ANKEF1: variants seen among roughly 807,000 people sequenced by gnomAD.
ANKEF1 encodes ankyrin repeat and EF-hand domain containing 1, also known as ankyrin repeat and EF-hand domain-containing protein 1.
Under a neutral mutation model 65.1 loss-of-function variants are expected in ANKEF1, and 43 were observed. That is an observed-to-expected ratio of 0.66 (90% CI 0.52 to 0.85). The LOEUF (loss-of-function observed/expected upper bound fraction) is 0.85. Among genes scored for constraint, ANKEF1 ranks in the 40% least tolerant of loss-of-function variants. The pLI is 0.00. For synonymous variants in ANKEF1, 316 were observed against 341.5 expected, an observed-to-expected ratio of 0.93 and a Z score of 0.82; for missense variants, 934 against 952.9, an observed-to-expected ratio of 0.98 and a Z score of 0.26.
At chr20:10,044,135 T>TA (rs1984365253) in intron 4 of ANKEF1, among the ~76,000 whole-genome samples, 1 of 152,190 alleles carries the variant, frequency 6.6e-6, no homozygotes, top group African/African-American at 2.4e-5. Flanking sequence ...TTGCAAGAAA[T>TA]ACATTTTTTA....
intron 7 of ANKEF1, among the ~76,000 whole-genome samples, chr20:10,051,012 T>C (rs1400145129): frequency 6.6e-6 from 1 of 152,208 alleles, no homozygotes; most frequent in African/African-American, 2.4e-5. Flanking sequence ...ACCATAGTTG[T>C]ATAACCTGGG....
intron 7 of ANKEF1, among the ~76,000 whole-genome samples, chr20:10,050,564 A>T: frequency 6.6e-6 from 1 of 151,974 alleles, no homozygotes. Flanking sequence ...AGCCTATAAT[A>T]AATTAATTAA....
At chr20:10,037,875 A>G (rs925497101) in intron 2 of ANKEF1, among the ~76,000 whole-genome samples, 1 of 152,214 alleles carries the variant, frequency 6.6e-6, no homozygotes, top group South Asian at 2.1e-4. Flanking sequence ...AACACCTTAA[A>G]ACTATTAAAA....
chr20:10,053,020 A>G, intron 8 of ANKEF1, 92 bp from the exon 9 acceptor site: 1 of 1,291,514 alleles, frequency 7.7e-7, no homozygotes, highest in East Asian at 2.4e-5. Context: ...TTATTAGGGC[A>G]GGCTTAGAGC....
At chr20:10,039,667 T>C (rs1301817895) in intron 3 of ANKEF1, among the ~76,000 whole-genome samples, 1 of 152,222 alleles carries the variant, frequency 6.6e-6, no homozygotes, top group South Asian at 2.1e-4. Flanking sequence ...CTCAAAGCTC[T>C]ATAGTATACC....
chr20:10,055,670 G>T lies in ANKEF1; in HGVS notation c.*10G>T. 2 of 1,613,360 alleles carry T rather than the reference G, an allele frequency of 1.2e-6. No individual in the cohort carries two copies. The highest frequency in any genetic ancestry group is 1.7e-6 in the Non-Finnish European group (2 of 1,179,504). On this transcript the variant is annotated 3_prime_UTR_variant, in exon 11 of 11. Coordinates refer to ENST00000378392, the MANE Select transcript of ANKEF1 (RefSeq NM_022096.6). ...TGCCTTGAAGACCTAAGTCATAGCAGTTATTTCTTGGGGTAAATGCTTTGA... is the reference window on the plus strand; with the variant it reads ...TGCCTTGAAGACCTAAGTCATAGCATTTATTTCTTGGGGTAAATGCTTTGA...
intron 3 of ANKEF1, among the ~76,000 whole-genome samples, chr20:10,042,145 G>A (rs1656254785): frequency 6.6e-6 from 1 of 152,076 alleles, no homozygotes; most frequent in Non-Finnish European, 1.5e-5. Flanking sequence ...CTTTTCCTAA[G>A]ACCCAACGTA....
At chr20:10,054,057 G>A (rs1985012895) in intron 9 of ANKEF1, among the ~76,000 whole-genome samples, 1 of 152,144 alleles carries the variant, frequency 6.6e-6, no homozygotes, top group Non-Finnish European at 1.5e-5. Context: ...TCATCAAATT[G>A]GAAAGCATTG....
At position 10,053,392 on chromosome 20, in the gene ANKEF1, G is replaced by A. The variant is rs913978394; in HGVS notation, c.2034+117G>A. On this transcript the variant is annotated intron_variant, in intron 9 of 10. Transcript: ENST00000378392. ...CAACATGGGTAAGATAATATGCAGTGCATACTTTCAATAGCATTATTATAT... is the reference window on the plus strand; with the variant it reads ...CAACATGGGTAAGATAATATGCAGTACATACTTTCAATAGCATTATTATAT... The A allele has an allele frequency of 1.4e-5, 11 of 814,734 alleles. No individual in the cohort carries two copies. The African/African-American group carries it at 1.5e-4, about 11-fold the overall frequency. The allele number at this position is 814,734 out of a possible 1,614,324, so 50.5% of individuals were successfully genotyped here. A position where few individuals can be genotyped will look rare whatever the true frequency, so the allele number is the denominator to read the frequency against.
intron 3 of ANKEF1, among the ~76,000 whole-genome samples, chr20:10,040,159 G>C (rs1984097410): frequency 6.6e-6 from 1 of 152,178 alleles, no homozygotes; most frequent in South Asian, 2.1e-4. Flanking sequence ...AAGCTTGTTA[G>C]GATGGCTGCC....
chr20:10,049,569 G>A lies in ANKEF1; in HGVS notation c.1000G>A (p.Val334Ile), dbSNP rs1269526608. The part of the protein sequence containing the change: ...LWALRLHDWS[V>I]EREAFLREAF... ...GGCCCTTAGACTGCACGATTGGTCC[G>A]TAGAACGTGAGGCTTTCCTCCGGGA... Residue 334 changes from valine (V) to isoleucine (I), a missense_variant, in exon 7 of 11, where the codon GTA becomes ATA. Transcript: ENST00000378392. 1.9e-6 allele frequency: 3 copies of A among 1,614,144 alleles called. No homozygotes were observed. The highest frequency in any genetic ancestry group is 8.5e-7 in the Non-Finnish European group (1 of 1,180,036).
At position 10,054,531 on chromosome 20, in the gene ANKEF1, G is replaced by T. The variant is rs759462315; in HGVS notation, c.2104G>T (p.Val702Phe). The T allele has an allele frequency of 5.6e-6, 9 of 1,608,924 alleles. No individual in the cohort carries two copies. Among genetic ancestry groups the T allele is most frequent in the Middle Eastern group, 3.3e-4 (2 of 6,040 alleles). Residue 702 changes from valine to phenylalanine, a missense_variant, in exon 10 of 11, where the codon GTT (valine) becomes TTT (phenylalanine). Physicochemically the swap from Val to Phe is conservative, Grantham distance 50. Transcript: ENST00000378392. The part of the protein sequence containing the change: ...EGKKVQKGNV[V>F]HLNSLITSGY... ...AAAGAAAGTACAGAAGGGTAATGTG[G>T]TTCATCTGAATTCATTGATTACCAG...
intron 3 of ANKEF1, among the ~76,000 whole-genome samples, chr20:10,039,457 A>G (rs1012505659): frequency 1.3e-5 from 2 of 152,264 alleles, no homozygotes; most frequent in Non-Finnish European, 2.9e-5. Flanking sequence ...GATAATGTGA[A>G]TATTTACTGA....
chr20:10,049,998 C>T lies in ANKEF1; in HGVS notation c.1429C>T (p.Pro477Ser). 1.2e-6 allele frequency: 2 copies of T among 1,614,124 alleles called. No homozygotes were observed. The highest frequency in any genetic ancestry group is 1.7e-6 in the Non-Finnish European group (2 of 1,179,996). Reference sequence around the variant, plus strand: ...TAATAGAGATCATCCCCCAGAACATCCCATTCAGGATGACTCTGTTTGGTA... The same window carrying T: ...TAATAGAGATCATCCCCCAGAACATTCCATTCAGGATGACTCTGTTTGGTA... ...RFNRDHPPEH[P>S]IQDDSVWYID... The change falls in exon 7 of 11, where the codon CCC (proline) becomes TCC (serine). Residue 477 changes from proline (P) to serine (S), a missense_variant. Pro to Ser is a moderately conservative substitution (Grantham distance 74, BLOSUM62 -1). Transcript: ENST00000378392.
chr20:10,044,248 G>T (rs2122238328), intron 4 of ANKEF1, 146 bp from the exon 5 acceptor site: 1 of 873,786 alleles, frequency 1.1e-6, no homozygotes, highest in South Asian at 3.2e-5. Flanking sequence ...TTTCCTCTTT[G>T]TTACATGAAG....
chr20:10,049,520 A>C lies in ANKEF1; in HGVS notation c.951A>C (p.Gly317=). 6.2e-7 allele frequency: 1 copy of C among 1,614,156 alleles called. No individual in the cohort carries two copies. Among genetic ancestry groups the C allele is most frequent in the Non-Finnish European group, 8.5e-7 (1 of 1,180,012 alleles). The change falls in exon 7 of 11, where the codon GGA becomes GGC. Residue 317 remains glycine (G), a synonymous_variant. Coordinates refer to ENST00000378392, the MANE Select transcript of ANKEF1 (RefSeq NM_022096.6). The part of the protein sequence containing the change: ...ERIANKLARP[G]AKNPNPLWAL... ...TCGCTAATAAACTAGCCAGGCCAGG[A>C]GCCAAAAATCCAAATCCACTGTGGG...
chr20:10,057,372 GT>G lies in ANKEF1; in HGVS notation c.*1716del, dbSNP rs1985230579. On this transcript the variant is annotated 3_prime_UTR_variant, in exon 11 of 11. Coordinates refer to ENST00000378392, the MANE Select transcript of ANKEF1 (RefSeq NM_022096.6). ...AACTAAATTTTGTCTGTTTTGTAAG[GT>G]TTTGGTTGGTTTTTTTGTTCTCTCT... The G allele has an allele frequency of 6.6e-6, 1 of 152,152 alleles. No homozygotes were observed. The highest frequency in any genetic ancestry group is 1.5e-5 in the Non-Finnish European group (1 of 68,012). The allele number at this position is 152,152 out of a possible 1,614,324, so 9.4% of individuals were successfully genotyped here.
chr20:10,040,738 G>C (rs6087112), intron 3 of ANKEF1: 1 of 152,168 alleles, frequency 6.6e-6, no homozygotes, highest in African/African-American at 2.4e-5. Flanking sequence ...TGTGGCTTAA[G>C]GAGTCAGCCC....
At position 10,050,111 on chromosome 20, in the gene ANKEF1, A is replaced by G. The variant is rs1170827397; in HGVS notation, c.1542A>G (p.Ser514=). 1 of 1,614,176 alleles carries G rather than the reference A, an allele frequency of 6.2e-7. No homozygotes were observed. The highest frequency in any genetic ancestry group is 1.7e-5 in the Admixed American group (1 of 60,012). Reference sequence around the variant, plus strand: ...CTTCTCTGAAAAAGGCCTTTGAATCAGGAATACCTGTGGATATGAAGGATA... The same window carrying G: ...CTTCTCTGAAAAAGGCCTTTGAATCGGGAATACCTGTGGATATGAAGGATA... ...DLASLKKAFE[S]GIPVDMKDNY... is the part of the protein sequence containing the mutation. Residue 514 remains serine (S), a synonymous_variant, in exon 7 of 11, where the codon TCA becomes TCG. Transcript: ENST00000378392.
Sources: allele counts gnomAD v4.1 joint callset (sites outside exome capture counted in the v4.1 genomes callset), GRCh38; gene constraint gnomAD v4.1.1; transcripts MANE v1.5; gene names NCBI Gene and HGNC (gene_info 2026-07-23, HGNC 2026-07-21).